Variants in EPS8 observed in about 807,000 individuals in gnomAD.
EPS8 encodes the protein epidermal growth factor receptor kinase substrate 8.
EPS8 carries 42 observed loss-of-function variants against 103.8 expected under a neutral mutation model. The ratio of observed to expected loss-of-function variants is 0.40; its 90% CI spans 0.32 to 0.52. The LOEUF is 0.52. Among genes scored for constraint, EPS8 ranks in the 20% least tolerant of loss-of-function variants. EPS8 has a pLI of 0.40. For synonymous variants in EPS8, 344 were observed against 344.6 expected (o/e 1.00, Z 0.02); for missense variants, 969 against 1,005.1 (o/e 0.96, Z 0.49).
Position 15,703,487 on chromosome 12 carries a change from C to T in EPS8, c.-21-20515G>A, listed in dbSNP as rs374987747. On this transcript the variant is annotated intron_variant, in intron 1 of 20. Transcript: ENST00000281172. Reference sequence around the variant, plus strand: ...CAGGTACAGGTAATTAGAGAACATTCCAGACATATACAAAGGATATGGAAG... The same window carrying T: ...CAGGTACAGGTAATTAGAGAACATTTCAGACATATACAAAGGATATGGAAG... 6.4e-4 allele frequency among the ~76,000 whole-genome samples: 98 copies of T among 151,970 alleles called. No homozygotes were observed. In the South Asian group the frequency reaches 7.7e-3, roughly 12 times the overall value.
intron 8 of EPS8, chr12:15,662,763 G>T: frequency 5.7e-6 from 3 of 527,256 alleles, no homozygotes; most frequent in Non-Finnish European, 7.3e-6. Flanking sequence ...CCTGGTATGA[G>T]TCAGTTAATA....
At chr12:15,659,755 A>G (rs1387571746) in intron 10 of EPS8, among the ~76,000 whole-genome samples, 1 of 152,162 alleles carries the variant, frequency 6.6e-6, no homozygotes, top group Non-Finnish European at 1.5e-5. Context: ...AAGTATAAAC[A>G]TTACTTCCAT....
At chr12:15,674,691 T>C (rs1945873606) in intron 3 of EPS8, among the ~76,000 whole-genome samples, 1 of 152,198 alleles carries the variant, frequency 6.6e-6, no homozygotes, top group Admixed American at 6.5e-5. Context: ...AATTTTCAGC[T>C]AAGTTGGGAA....
At position 15,641,707 on chromosome 12, in the gene EPS8, A is replaced by G. The variant is rs755052801; in HGVS notation, c.1677+15T>C. 1.4e-6 allele frequency: 2 copies of G among 1,391,576 alleles called. No individual in the cohort carries two copies. Among genetic ancestry groups the G allele is most frequent in the Non-Finnish European group, 2.0e-6 (2 of 1,014,034 alleles). The allele number at this position is 1,391,576 out of a possible 1,614,324, so 86.2% of individuals were successfully genotyped here. ...CTACTTTATTAAGAGTATAAAAAAG[A>G]AAAAATTATATTACCTCTAAAATAT... On this transcript the variant is annotated intron_variant, in intron 16 of 20. Transcript: ENST00000281172.
rs1946318393 is a variant in EPS8, at chr12:15,702,097, T to C, written c.-21-19125A>G. 6.6e-6 allele frequency among the ~76,000 whole-genome samples: 1 copy of C among 152,196 alleles called. No homozygotes were observed. Among genetic ancestry groups the C allele is most frequent in the African/African-American group, 2.4e-5 (1 of 41,458 alleles). On this transcript the variant is annotated intron_variant, in intron 1 of 20. Coordinates refer to ENST00000281172, the MANE Select transcript of EPS8 (RefSeq NM_004447.6). This position sits in a 1 kb window ranked among gnomAD's most constrained non-coding sequence, Gnocchi z 5.1. Reference sequence around the variant, plus strand: ...GCTAAGCACCATGAGATAAACCACATTTCTCTGCCGTGCAGATTATTAGGA... The same window carrying C: ...GCTAAGCACCATGAGATAAACCACACTTCTCTGCCGTGCAGATTATTAGGA...
At position 15,681,289 on chromosome 12, in the gene EPS8, A is replaced by T. The variant is rs1591850608; in HGVS notation, c.73T>A (p.Ser25Thr). The T allele has an allele frequency of 1.3e-6, 2 of 1,515,792 alleles. No homozygotes were observed. The highest frequency in any genetic ancestry group is 9.0e-7 in the Non-Finnish European group (1 of 1,112,042). The allele number at this position is 1,515,792 out of a possible 1,614,324, so 93.9% of individuals were successfully genotyped here. A position where few individuals can be genotyped will look rare whatever the true frequency, so the allele number is the denominator to read the frequency against. The stretch of plus-strand genomic sequence containing the variant: ...CTGTCCGTCTGGGAAAAGGTAGGTG[A>T]TGATCCGTAGCCACTGTAATAATAA... ...YPSQMNGYGSSPTFSQTDREH... is the reference protein window; with the variant it reads ...YPSQMNGYGSTPTFSQTDREH... Residue 25 changes from serine (S) to threonine (T), a missense_variant, in exon 3 of 21, where the codon TCA becomes ACA. Ser to Thr is a moderately conservative substitution (Grantham distance 58). Coordinates refer to ENST00000281172, the MANE Select transcript of EPS8 (RefSeq NM_004447.6).
chr12:15,670,727 T>A, intron 4 of EPS8, 129 bp downstream of exon 4: 1 of 583,992 alleles, frequency 1.7e-6, no homozygotes, highest in Non-Finnish European at 3.0e-6. Context: ...TTAAAAAATC[T>A]AAACAAAAAG....
rs975207239 is a variant in EPS8 at position 15,761,033 on chromosome 12, T to C, written c.-22+28128A>G. On this transcript the variant is annotated intron_variant, in intron 1 of 20. Transcript: ENST00000281172. The surrounding 1 kb of genome is among the most constrained non-coding windows in gnomAD (Gnocchi z 4.5). ...CTTGTCTGCAGATGATATGATCTTATATTTGGAAAAACCTAAAGACACCAC... is the reference window on the plus strand; with the variant it reads ...CTTGTCTGCAGATGATATGATCTTACATTTGGAAAAACCTAAAGACACCAC... Among the ~76,000 whole-genome samples the C allele has an allele frequency of 7.2e-5, 11 of 152,114 alleles. No homozygotes were observed. Among genetic ancestry groups the C allele is most frequent in the South Asian group, 2.1e-4 (1 of 4,830 alleles).
Position 15,704,719 on chromosome 12 carries a change from A to G in EPS8, c.-21-21747T>C, listed in dbSNP as rs1946361078. The stretch of plus-strand genomic sequence containing the variant: ...TAAACTATACATTTAAAGATGGTTA[A>G]GTTGGTAAATTTAATATCAACTTTA... On this transcript the variant is annotated intron_variant, in intron 1 of 20. Transcript: ENST00000281172. This position sits in a 1 kb window ranked among gnomAD's most constrained non-coding sequence, Gnocchi z 4.6. Among the ~76,000 whole-genome samples, 1 of 152,210 alleles carries G rather than the reference A, an allele frequency of 6.6e-6. No individual in the cohort carries two copies. The highest frequency in any genetic ancestry group is 1.5e-5 in the Non-Finnish European group (1 of 68,044).
In EPS8 at chr12:15,736,758, G is replaced by A. The variant is rs1946770754; in HGVS notation, c.-22+52403C>T. On this transcript the variant is annotated intron_variant, in intron 1 of 20. Transcript: ENST00000281172. The surrounding 1 kb of genome is among the most constrained non-coding windows in gnomAD (Gnocchi z 4.2). ...AAGATGCAAAGAAAAAATGCATAAG[G>A]CATCCTCAGAGTATGTGATATAGAA... Among the ~76,000 whole-genome samples, 1 of 152,060 alleles carries A rather than the reference G, an allele frequency of 6.6e-6. No individual in the cohort carries two copies. The highest frequency in any genetic ancestry group is 3.4e-3 in the Middle Eastern group (1 of 294).
At chr12:15,722,988 CTG>C (rs1946614100) in intron 1 of EPS8, among the ~76,000 whole-genome samples, 1 of 150,274 alleles carries the variant, frequency 6.7e-6, no homozygotes, top group African/African-American at 2.5e-5. Context: ...CACCAAAACA[CTG>C]GATATCACTT....
chr12:15,662,137 C>T, intron 8 of EPS8, 38 bp from the exon 9 acceptor site: 2 of 1,582,982 alleles, frequency 1.3e-6, no homozygotes, highest in East Asian at 2.2e-5. Context: ...CAATCTTTTA[C>T]TCCCACAATA....
chr12:15,722,315 T>TA (rs755549604), intron 1 of EPS8, among the ~76,000 whole-genome samples: 1 of 151,952 alleles, frequency 6.6e-6, no homozygotes, highest in Non-Finnish European at 1.5e-5. Context: ...CAGCCTATTT[T>TA]AAACAATTAC....
chr12:15,643,699 A>C (rs10772866), intron 15 of EPS8, among the ~76,000 whole-genome samples: 33 of 146,788 alleles, frequency 2.2e-4, no homozygotes, highest in Admixed American at 3.4e-4. Flanking sequence ...ATATCGTGCC[A>C]TTGCACTCCA....
Position 15,698,749 on chromosome 12 carries a change from G to T in EPS8, c.-21-15777C>A, listed in dbSNP as rs1197428306. ...TGCCAGTTTGAAATTTAGGAGATAG[G>T]AGATTCAGTGTTTACAAGAATGGTG... On this transcript the variant is annotated intron_variant, in intron 1 of 20. Coordinates refer to ENST00000281172, the MANE Select transcript of EPS8 (RefSeq NM_004447.6). This position sits in a 1 kb window ranked among gnomAD's most constrained non-coding sequence, Gnocchi z 4.9. 6.6e-6 allele frequency among the ~76,000 whole-genome samples: 1 copy of T among 152,068 alleles called. No individual in the cohort carries two copies. The highest frequency in any genetic ancestry group is 2.4e-5 in the African/African-American group (1 of 41,386).
In EPS8 at chr12:15,778,239, A is replaced by G. The variant is rs907678619; in HGVS notation, c.-22+10922T>C. ...GAAAATCTTCAGAGGGTGATTTTCAACAATGATTAAAAACACTCTGACACA... is the reference window on the plus strand; with the variant it reads ...GAAAATCTTCAGAGGGTGATTTTCAGCAATGATTAAAAACACTCTGACACA... On this transcript the variant is annotated intron_variant, in intron 1 of 20. Transcript: ENST00000281172. This position sits in a 1 kb window ranked among gnomAD's most constrained non-coding sequence, Gnocchi z 4.5. Among the ~76,000 whole-genome samples the G allele has an allele frequency of 6.6e-6, 1 of 152,232 alleles. No homozygotes were observed. Among genetic ancestry groups the G allele is most frequent in the Non-Finnish European group, 1.5e-5 (1 of 68,038 alleles).
At chr12:15,651,242 T>C (rs930061084) in intron 13 of EPS8, among the ~76,000 whole-genome samples, 11 of 152,246 alleles carry the variant, frequency 7.2e-5, no homozygotes, top group Non-Finnish European at 1.5e-4. Context: ...TTGCATGATC[T>C]GTTTTCCCAA....
chr12:15,784,397 C>T lies in EPS8; in HGVS notation c.-22+4764G>A, dbSNP rs1480421816. Among the ~76,000 whole-genome samples the T allele has an allele frequency of 1.3e-5, 2 of 152,090 alleles. No individual in the cohort carries two copies. Among genetic ancestry groups the T allele is most frequent in the Non-Finnish European group, 2.9e-5 (2 of 67,964 alleles). On this transcript the variant is annotated intron_variant, in intron 1 of 20. Transcript: ENST00000281172. The surrounding 1 kb of genome is among the most constrained non-coding windows in gnomAD (Gnocchi z 4.0). ...GGGGTATGTGAAAAGATGTTAACAT[C>T]ATATGTCATTAGGAAATAGTAAATT...
chr12:15,624,112 T>C, intron 19 of EPS8, 115 bp downstream of exon 19: 3 of 763,366 alleles, frequency 3.9e-6, no homozygotes, highest in African/African-American at 1.7e-5. Context: ...TGGCACAAAG[T>C]ATGCAGTCTG....
Sources: gnomAD v4.1 joint callset for allele counts (sites outside exome capture counted in the v4.1 genomes callset) on GRCh38, gnomAD v4.1.1 for gene constraint, Gnocchi (gnomAD v3.1) non-coding constraint, MANE v1.5 for transcripts, NCBI Gene and HGNC (gene_info 2026-07-23, HGNC 2026-07-21) for gene names.